Variants in TMEM260 observed in about 807,000 individuals in gnomAD.
TMEM260 encodes the protein protein O-mannosyl-transferase TMEM260.
In TMEM260, 82 loss-of-function variants were observed where a neutral mutation model predicts 88.9. That is an observed-to-expected ratio of 0.92 (90% CI 0.77 to 1.11). The LOEUF is 1.11. Ranked by LOEUF, TMEM260 falls within the 50% of genes least tolerant of loss-of-function variation. TMEM260 has a pLI of 0.00. For synonymous variants in TMEM260, 314 were observed against 309.3 expected, an observed-to-expected ratio of 1.02 and a Z score of -0.16; for missense variants, 902 against 853.4, an observed-to-expected ratio of 1.06 and a Z score of -0.71.
chr14:56,596,871 G>T (rs2139531778), intron 3 of TMEM260, among the ~76,000 whole-genome samples: 1 of 149,254 alleles, frequency 6.7e-6, no homozygotes, highest in East Asian at 2.0e-4. Flanking sequence ...ATAATTTTTT[G>T]ACTTTGTAAT....
At chr14:56,645,342 AG>A (rs1401367879) in intron 15 of TMEM260, among the ~76,000 whole-genome samples, 2 of 152,084 alleles carry the variant, frequency 1.3e-5, no homozygotes, top group Non-Finnish European at 2.9e-5. Flanking sequence ...TGTCCTTTGT[AG>A]GGACATGGAT....
intron 3 of TMEM260, among the ~76,000 whole-genome samples, chr14:56,599,853 GTT>G (rs1886461995): frequency 6.6e-6 from 1 of 152,168 alleles, no homozygotes; most frequent in Non-Finnish European, 1.5e-5. Context: ...AGCATCTCAA[GTT>G]TTTTAGAGAA....
At chr14:56,593,561 A>G (rs1238742096) in intron 3 of TMEM260, among the ~76,000 whole-genome samples, 2 of 151,054 alleles carry the variant, frequency 1.3e-5, no homozygotes, top group Non-Finnish European at 2.9e-5. Context: ...TGGATTTGAT[A>G]TTTTGAATAA....
chr14:56,655,294 G>T (rs1048305322), downstream of TMEM260, among the ~76,000 whole-genome samples: 7 of 151,758 alleles, frequency 4.6e-5, no homozygotes, highest in African/African-American at 1.7e-4. Flanking sequence ...GAAGGCTGAG[G>T]CAGAAGAATT....
chr14:56,659,509 C>T, the TMEM260 span, among the ~76,000 whole-genome samples: 1 of 152,164 alleles, frequency 6.6e-6, no homozygotes, highest in Non-Finnish European at 1.5e-5. Flanking sequence ...TAGTAGCTGT[C>T]TAGGTGGACC....
intron 5 of TMEM260, among the ~76,000 whole-genome samples, chr14:56,606,748 A>C (rs2139560872): frequency 6.6e-6 from 1 of 152,232 alleles, no homozygotes; most frequent in South Asian, 2.1e-4. Flanking sequence ...AAAAAAAAGT[A>C]GCTGGGCTTG....
In TMEM260 at chr14:56,636,523, C is replaced by G. The variant is rs1158161596; in HGVS notation, c.1794C>G (p.Phe598Leu). The G allele has an allele frequency of 1.2e-6, 2 of 1,613,828 alleles. No homozygotes were observed. Among genetic ancestry groups the G allele is most frequent in the Admixed American group, 1.7e-5 (1 of 59,998 alleles). Residue 598 changes from phenylalanine (F) to leucine (L), a missense_variant, in exon 15 of 16, where the codon TTC (phenylalanine) becomes TTG (leucine). Coordinates refer to ENST00000261556, the MANE Select transcript of TMEM260 (RefSeq NM_017799.4). ...CCACCCCCAGGATGAAAACACCGTT[C>G]TTCATCTTTAACCTGGCAGAAACTG... ...EMWQARMKTP[F>L]FIFNLAETAH...
chr14:56,634,749 G>A (rs1209245319), intron 13 of TMEM260, 150 bp from the exon 14 acceptor site: 2 of 638,318 alleles, frequency 3.1e-6, no homozygotes, highest in Admixed American at 2.8e-5. Flanking sequence ...GGCGGGGGCA[G>A]GAGAATCACT....
intron 12 of TMEM260, among the ~76,000 whole-genome samples, chr14:56,630,962 TGTTACTGGCGGCGAGTGTGTGA>T (rs1167320110): frequency 6.6e-6 from 1 of 152,138 alleles, no homozygotes; most frequent in African/African-American, 2.4e-5. Context: ...TGTGTGCTAC[TGTTACTGGCGGCGAGTGTGTGA>T]GTTACTGGCA....
At chr14:56,621,440 T>G (rs556335526) in intron 10 of TMEM260, 91 bp from the exon 11 acceptor site, 1 of 907,880 alleles carries the variant, frequency 1.1e-6, no homozygotes, top group African/African-American at 1.7e-5. Flanking sequence ...GATTGTATGA[T>G]GGGAAAAGAA....
At chr14:56,660,855 T>C in the TMEM260 span, among the ~76,000 whole-genome samples, 4 of 152,186 alleles carry the variant, frequency 2.6e-5, no homozygotes, top group Non-Finnish European at 4.4e-5. Context: ...CTCTTAATAG[T>C]GCACCTGTCC....
At chr14:56,642,821 A>C (rs540051647) in intron 15 of TMEM260, among the ~76,000 whole-genome samples, 17 of 152,346 alleles carry the variant, frequency 1.1e-4, no homozygotes, top group Admixed American at 2.6e-4. Flanking sequence ...AAAATGACAA[A>C]GGGGATATCA....
intron 15 of TMEM260, among the ~76,000 whole-genome samples, chr14:56,644,102 A>G (rs1889792914): frequency 6.6e-6 from 1 of 152,230 alleles, no homozygotes; most frequent in Admixed American, 6.5e-5. Context: ...TATAGATTCA[A>G]TGCCATCCCC....
the TMEM260 span, among the ~76,000 whole-genome samples, chr14:56,657,309 T>TA: frequency 0.13 from 20,078 of 152,024 alleles, 2,052 homozygotes; most frequent in African/African-American, 0.27. Context: ...CACTTTTTTT[T>TA]TTACTTTTTT....
chr14:56,617,338 T>C lies in TMEM260; in HGVS notation c.1056+41T>C, dbSNP rs1887653476. The C allele has an allele frequency of 2.3e-6, 3 of 1,325,124 alleles. No homozygotes were observed. The South Asian group carries it at 4.1e-5, about 18-fold the overall frequency. The allele number at this position is 1,325,124 out of a possible 1,614,324, so 82.1% of individuals were successfully genotyped here. On this transcript the variant is annotated intron_variant, in intron 9 of 15. Coordinates refer to ENST00000261556, the MANE Select transcript of TMEM260 (RefSeq NM_017799.4). ...ATATATCCTTTGACCAGAAAGTTTGTGAAGAATGTGCAAATTTGCATTTCA... is the reference window on the plus strand; with the variant it reads ...ATATATCCTTTGACCAGAAAGTTTGCGAAGAATGTGCAAATTTGCATTTCA...
downstream of TMEM260, among the ~76,000 whole-genome samples, chr14:56,654,885 T>C (rs1566589149): frequency 1.3e-5 from 2 of 150,822 alleles, no homozygotes; most frequent in Non-Finnish European, 2.9e-5. Context: ...AAGACCTAAG[T>C]GTCTGATATC....
At chr14:56,622,259 T>C (rs938179417) in intron 11 of TMEM260, among the ~76,000 whole-genome samples, 3 of 143,700 alleles carry the variant, frequency 2.1e-5, no homozygotes, top group Non-Finnish European at 4.5e-5. Flanking sequence ...AGGAGAATGG[T>C]GTGAACCTGG....
intron 12 of TMEM260, among the ~76,000 whole-genome samples, chr14:56,629,347 G>A (rs563557673): frequency 6.7e-6 from 1 of 150,062 alleles, no homozygotes; most frequent in South Asian, 2.1e-4. Flanking sequence ...ATACTTAGGA[G>A]TAATAATTTA....
chr14:56,612,045 TG>T (rs1887312797), intron 6 of TMEM260, among the ~76,000 whole-genome samples, 199 bp from the exon 7 acceptor site: 1 of 152,178 alleles, frequency 6.6e-6, no homozygotes, highest in East Asian at 1.9e-4. Context: ...GCTTATTACC[TG>T]GGTGATGAAA....
Sources: gnomAD v4.1 joint callset for allele counts (sites outside exome capture counted in the v4.1 genomes callset) on GRCh38, gnomAD v4.1.1 for gene constraint, MANE v1.5 for transcripts, NCBI Gene and HGNC (gene_info 2026-07-23, HGNC 2026-07-21) for gene names.